Variants in GALP observed in about 807,000 individuals in gnomAD.
The protein encoded by GALP is galanin like peptide.
A neutral mutation model predicts 15.2 loss-of-function variants in GALP; 12 were observed. That is an observed-to-expected ratio of 0.79 (90% CI 0.51 to 1.28). The LOEUF is 1.28. GALP is among the 50% of genes most tolerant of loss of function. GALP has a pLI of 0.00. For missense variants in GALP, 161 were observed against 145.6 expected (o/e 1.11, Z -0.55); for synonymous variants, 58 against 55.1 (o/e 1.05, Z -0.23).
chr19:56,180,525 C>T (rs2032545446), intron 2 of GALP, 61 bp from the exon 3 acceptor site: 2 of 1,414,622 alleles, frequency 1.4e-6, no homozygotes, highest in Non-Finnish European at 1.0e-6. Flanking sequence ...CACCCCGGAC[C>T]TGTGGGACGC....
intron 2 of GALP, among the ~76,000 whole-genome samples, chr19:56,180,056 C>T (rs892841938): frequency 3.3e-5 from 5 of 152,144 alleles, no homozygotes; most frequent in East Asian, 1.9e-4. Flanking sequence ...AGATTACAGG[C>T]GAGAGCCACC....
At chr19:56,178,915 C>T (rs2122159981) in intron 2 of GALP, among the ~76,000 whole-genome samples, 1 of 152,360 alleles carries the variant, frequency 6.6e-6, no homozygotes, top group East Asian at 1.9e-4. Context: ...TGGCTCACGC[C>T]TGCAATCCCA....
Position 56,177,096 on chromosome 19 carries a change from C to A in GALP, c.-13C>A, listed in dbSNP as rs1044456017. ...GTGTTCCGCAGCTGTAGGCACCTGT[C>A]GTCCTGCCTTCGATGGCTCCTCCCT... On this transcript the variant is annotated 5_prime_UTR_variant, in exon 2 of 6. Transcript: ENST00000357330. 2.5e-6 allele frequency: 4 copies of A among 1,607,362 alleles called. No homozygotes were observed. Among genetic ancestry groups the A allele is most frequent in the Non-Finnish European group, 3.4e-6 (4 of 1,175,844 alleles).
chr19:56,177,123 C>T lies in GALP; in HGVS notation c.15C>T (p.Ser5=), dbSNP rs74912591. 4,314 of 1,613,250 alleles carry T rather than the reference C, an allele frequency of 2.7e-3. 6 individuals carry two copies. The highest frequency in any genetic ancestry group is 2.9e-3 in the Non-Finnish European group (3,405 of 1,179,702). MAPP[S]VPLVLLLVLL... ...TCCTGCCTTCGATGGCTCCTCCCTCCGTCCCCCTGGTCCTCCTCCTCGTCC... is the reference window on the plus strand; with the variant it reads ...TCCTGCCTTCGATGGCTCCTCCCTCTGTCCCCCTGGTCCTCCTCCTCGTCC... The change falls in exon 2 of 6, where the codon TCC becomes TCT. Residue 5 remains serine (S), a synonymous_variant. Coordinates refer to ENST00000357330, the MANE Select transcript of GALP (RefSeq NM_033106.4).
intron 5 of GALP, among the ~76,000 whole-genome samples, chr19:56,183,552 C>CAT (rs2032602329): frequency 6.6e-6 from 1 of 152,212 alleles, no homozygotes; most frequent in African/African-American, 2.4e-5. Context: ...TCAGCTACAA[C>CAT]ATTGACGTCA....
chr19:56,185,183 C>T (rs766919470), intron 5 of GALP, 32 bp from the exon 6 acceptor site: 1 of 1,484,060 alleles, frequency 6.7e-7, no homozygotes, highest in Non-Finnish European at 9.4e-7. Flanking sequence ...GTGAGAAAAA[C>T]CATTCAAAGT....
At position 56,180,511 on chromosome 19, in the gene GALP, A is replaced by T. The variant is rs558472493; in HGVS notation, c.88-75A>T. On this transcript the variant is annotated intron_variant, in intron 2 of 5. Coordinates refer to ENST00000357330, the MANE Select transcript of GALP (RefSeq NM_033106.4). Reference sequence around the variant, plus strand: ...CAGTGGGAAAGTCGTATGACGACCCACATCACCCCGGACCTGTGGGACGCC... The same window carrying T: ...CAGTGGGAAAGTCGTATGACGACCCTCATCACCCCGGACCTGTGGGACGCC... 2.5e-5 allele frequency: 32 copies of T among 1,262,784 alleles called. No individual in the cohort carries two copies. In the South Asian group the frequency reaches 3.5e-4, roughly 14 times the overall value. 78.2% of individuals were successfully genotyped at this position (1,262,784 alleles called of 1,614,324 possible).
chr19:56,177,283 G>A (rs1030180804), intron 2 of GALP, 88 bp downstream of exon 2: 1 of 1,093,136 alleles, frequency 9.1e-7, no homozygotes, highest in African/African-American at 1.6e-5. Context: ...TCTGGCTTGT[G>A]TCAAGGGTCC....
At chr19:56,183,810 C>A (rs1207950975) in intron 5 of GALP, among the ~76,000 whole-genome samples, 1 of 151,542 alleles carries the variant, frequency 6.6e-6, no homozygotes, top group African/African-American at 2.4e-5. Flanking sequence ...GTTGGCCAGG[C>A]TGGTCCTGAA....
intron 2 of GALP, 139 bp downstream of exon 2, chr19:56,177,334 T>C (rs2032482111): frequency 2.9e-6 from 2 of 701,552 alleles, no homozygotes; most frequent in East Asian, 2.8e-5. Context: ...AGAAGAAATA[T>C]TGCGTGTCTC....
chr19:56,178,333 C>G (rs1316351486), intron 2 of GALP, among the ~76,000 whole-genome samples: 1 of 151,472 alleles, frequency 6.6e-6, no homozygotes, highest in Admixed American at 6.6e-5. Flanking sequence ...TATGGTCTTG[C>G]GTGACTGTAG....
chr19:56,180,037 A>G (rs1365017757), intron 2 of GALP, among the ~76,000 whole-genome samples: 1 of 151,762 alleles, frequency 6.6e-6, no homozygotes, highest in Non-Finnish European at 1.5e-5. Context: ...TCAGCCTCCC[A>G]AAGTGCTGAG....
chr19:56,183,315 A>G, intron 5 of GALP, 103 bp downstream of exon 5: 11 of 947,386 alleles, frequency 1.2e-5, no homozygotes, highest in Non-Finnish European at 1.9e-5. Context: ...GGAAACTGGA[A>G]CCAACCAGGG....
chr19:56,180,751 A>T, intron 3 of GALP, 117 bp downstream of exon 3: 1 of 794,694 alleles, frequency 1.3e-6, no homozygotes, highest in Non-Finnish European at 2.1e-6. Flanking sequence ...CCATGGATTT[A>T]TTTGCAGATC....
chr19:56,176,936 T>A, intron 1 of GALP, 134 bp from the exon 2 acceptor site: 1 of 596,620 alleles, frequency 1.7e-6, no homozygotes, highest in Non-Finnish European at 3.0e-6. Context: ...CTCCTCAAGA[T>A]GTGTACATTA....
At position 56,180,589 on chromosome 19, in the gene GALP, C is replaced by A. The variant is rs745797059; in HGVS notation, c.91C>A (p.Arg31=). Reference sequence around the variant, plus strand: ...TGATTTCTGCATCTCTATCCAGGGACGAGGAGGCTGGACCCTCAATAGTGC... The same window carrying A: ...TGATTTCTGCATCTCTATCCAGGGAAGAGGAGGCTGGACCCTCAATAGTGC... The part of the protein sequence containing the change: ...TPASAPAHRG[R]GGWTLNSAGY... The change falls in exon 3 of 6, where the codon CGA becomes AGA. Residue 31 remains arginine, a synonymous_variant. Transcript: ENST00000357330. 1 of 1,613,716 alleles carries A rather than the reference C, an allele frequency of 6.2e-7. No individual in the cohort carries two copies. Among genetic ancestry groups the A allele is most frequent in the Non-Finnish European group, 8.5e-7 (1 of 1,179,716 alleles).
At chr19:56,179,302 CTCTT>C (rs1214678054) in intron 2 of GALP, among the ~76,000 whole-genome samples, 2 of 136,232 alleles carry the variant, frequency 1.5e-5, no homozygotes, top group Admixed American at 7.3e-5. Context: ...CCTCAAGAGC[CTCTT>C]TCTTTCTTTT....
At chr19:56,178,941 G>A (rs899819914) in intron 2 of GALP, among the ~76,000 whole-genome samples, 1 of 152,176 alleles carries the variant, frequency 6.6e-6, no homozygotes, top group African/African-American at 2.4e-5. Context: ...TTGGGAGGCC[G>A]AGGAGGGCGG....
At chr19:56,176,728 G>A (rs1194829037) in intron 1 of GALP, among the ~76,000 whole-genome samples, 1 of 151,358 alleles carries the variant, frequency 6.6e-6, no homozygotes, top group East Asian at 2.0e-4. Context: ...GAGTGATGGG[G>A]GGCTTGAAGG....
Sources: gnomAD v4.1 joint callset for allele counts (sites outside exome capture counted in the v4.1 genomes callset) on GRCh38, gnomAD v4.1.1 for gene constraint, MANE v1.5 for transcripts, NCBI Gene and HGNC (gene_info 2026-07-23, HGNC 2026-07-21) for gene names.